SPDYE4: variants seen among roughly 807,000 people sequenced by gnomAD.
SPDYE4 encodes the protein speedy/RINGO cell cycle regulator family member E4, also known as speedy protein E4.
Under a neutral mutation model 37.5 loss-of-function variants are expected in SPDYE4, and 30 were observed. The observed-to-expected ratio is 0.80, with a 90% CI of 0.60 to 1.09. The LOEUF is 1.09. Ranked by LOEUF, SPDYE4 falls within the 50% of genes least tolerant of loss-of-function variation. The probability of loss-of-function intolerance (pLI) is 0.00; values close to 1 mark genes in which losing one functional copy is unlikely to be tolerated. For missense variants in SPDYE4, 300 were observed against 307.9 expected (o/e 0.97, Z 0.19); for synonymous variants, 131 against 120.3 (o/e 1.09, Z -0.58).
At chr17:8,750,297 G>C (rs2086719004), downstream of SPDYE4, among the ~76,000 whole-genome samples, 2 of 152,178 alleles carry the variant, frequency 1.3e-5, no homozygotes, top group African/African-American at 4.8e-5. Flanking sequence ...GCTGAGACAA[G>C]AGAATTGCTT....
rs747003055 is a variant in SPDYE4, at chr17:8,758,341, G to T, written c.42C>A (p.Ser14Arg). 1.1e-5 allele frequency: 17 copies of T among 1,551,312 alleles called. No individual in the cohort carries two copies. The Middle Eastern group carries it at 5.0e-4, about 46-fold the overall frequency. ...ACCGTACCGTTGTGCTAGGCTGGGGGCTCTCCTCCTCAAACGGGGGGCGCG... is the reference window on the plus strand; with the variant it reads ...ACCGTACCGTTGTGCTAGGCTGGGGTCTCTCCTCCTCAAACGGGGGGCGCG... ...GQARPPFEEESPQPSTTVRSP... is the reference protein window; with the variant it reads ...GQARPPFEEERPQPSTTVRSP... Residue 14 changes from serine to arginine, a missense_variant, in exon 1 of 7, where the codon AGC (serine) becomes AGA (arginine). By Grantham distance (110) the Ser-to-Arg change is moderately radical. Coordinates refer to ENST00000689094, the MANE Select transcript of SPDYE4 (RefSeq NM_001394956.1).
chr17:8,756,437 C>T lies in SPDYE4; in HGVS notation c.341-1G>A. 6.2e-7 allele frequency: 1 copy of T among 1,613,988 alleles called. No individual in the cohort carries two copies. The highest frequency in any genetic ancestry group is 8.5e-7 in the Non-Finnish European group (1 of 1,179,896). The stretch of plus-strand genomic sequence containing the variant: ...AGGAATTTTTGAACGACAGGATCCC[C>T]TGTGAAAAGAGAGCCTGTGTCAGGG... On this transcript the variant is annotated splice_acceptor_variant, in intron 2 of 6. Coordinates refer to ENST00000689094, the MANE Select transcript of SPDYE4 (RefSeq NM_001394956.1). LOFTEE classifies it high-confidence loss of function.
In SPDYE4 at chr17:8,753,521, G is replaced by T. The variant is rs757161745; in HGVS notation, c.486-32C>A. 14 of 1,609,698 alleles carry T rather than the reference G, an allele frequency of 8.7e-6. No homozygotes were observed. In the African/African-American group the frequency reaches 1.2e-4, roughly 14 times the overall value. On this transcript the variant is annotated intron_variant, in intron 4 of 6. Coordinates refer to ENST00000689094, the MANE Select transcript of SPDYE4 (RefSeq NM_001394956.1). ...AGAGAGATCAGGTTGCTGCTCAGGG[G>T]CCCCACCAGGAGGGACCCCTGCCTG... is the stretch of plus-strand genomic sequence containing the variant.
downstream of SPDYE4, among the ~76,000 whole-genome samples, chr17:8,748,423 G>A (rs1476991922): frequency 6.6e-6 from 1 of 152,220 alleles, no homozygotes; most frequent in African/African-American, 2.4e-5. Flanking sequence ...CTAGAACTAT[G>A]AGAAAGAAAT....
At chr17:8,756,634 C>T (rs1055985130) in intron 2 of SPDYE4, among the ~76,000 whole-genome samples, 198 bp from the exon 3 acceptor site, 7 of 152,094 alleles carry the variant, frequency 4.6e-5, no homozygotes, top group Non-Finnish European at 5.9e-5. Flanking sequence ...GAGGAGAGGC[C>T]GAAGGAGGCC....
At chr17:8,749,173 G>T (rs576470207), downstream of SPDYE4, among the ~76,000 whole-genome samples, 53 of 150,474 alleles carry the variant, frequency 3.5e-4, no homozygotes, top group Non-Finnish European at 6.5e-4. Flanking sequence ...GGCTCATGCA[G>T]CCTCGACCTC....
At position 8,751,193 on chromosome 17, in the gene SPDYE4, T is replaced by C. The variant is rs2086725979; in HGVS notation, c.*1089A>G. Among the ~76,000 whole-genome samples the C allele has an allele frequency of 6.6e-6, 1 of 152,176 alleles. No individual in the cohort carries two copies. The highest frequency in any genetic ancestry group is 1.5e-5 in the Non-Finnish European group (1 of 68,016). ...TAAAAAGATTTAAAAATAAAACATTTAGGATAAAAAGAATCCTCTCTTAAA... is the reference window on the plus strand; with the variant it reads ...TAAAAAGATTTAAAAATAAAACATTCAGGATAAAAAGAATCCTCTCTTAAA... On this transcript the variant is annotated 3_prime_UTR_variant, in exon 7 of 7. Transcript: ENST00000689094.
intron 4 of SPDYE4, among the ~76,000 whole-genome samples, chr17:8,754,850 G>A (rs1044906378): frequency 1.6e-4 from 24 of 152,208 alleles, no homozygotes; most frequent in African/African-American, 4.6e-4. Flanking sequence ...AAATCAAAAT[G>A]GAGTGGAGGG....
At chr17:8,755,346 G>A in intron 4 of SPDYE4, 174 bp downstream of exon 4, 2 of 829,052 alleles carry the variant, frequency 2.4e-6, no homozygotes. Flanking sequence ...AACTGCATTT[G>A]TGTTTGTTTT....
rs113162768 is a variant in SPDYE4 at position 8,755,655 on chromosome 17, A to T, written c.400-50T>A. On this transcript the variant is annotated intron_variant, in intron 3 of 6. Transcript: ENST00000689094. ...GAGAGAAAGGTTGGTCACATCCTGG[A>T]AGAGGAAGATGGTGGAGAGAAGGGA... is the stretch of plus-strand genomic sequence containing the variant. 306 of 1,587,856 alleles carry T rather than the reference A, an allele frequency of 1.9e-4. 1 individual carries two copies. In the African/African-American group the frequency reaches 3.5e-3, roughly 18 times the overall value.
chr17:8,749,085 A>G (rs932476231), downstream of SPDYE4, among the ~76,000 whole-genome samples: 17 of 135,272 alleles, frequency 1.3e-4, no homozygotes, highest in African/African-American at 4.5e-4. Context: ...GCAGTCCCCA[A>G]GAATGTTTTG....
intron 3 of SPDYE4, 92 bp from the exon 4 acceptor site, chr17:8,755,697 G>A (rs764795418): frequency 2.7e-5 from 39 of 1,464,088 alleles, no homozygotes; most frequent in South Asian, 4.7e-5. Flanking sequence ...GCTGGGGCGC[G>A]GTTGTCTATC....
chr17:8,753,256 C>T (rs1331113068), intron 5 of SPDYE4, 59 bp from the exon 6 acceptor site: 4 of 1,610,262 alleles, frequency 2.5e-6, no homozygotes, highest in East Asian at 4.5e-5. Flanking sequence ...CCCTCTCTGC[C>T]CTCCTCCAGC....
At chr17:8,754,981 A>G (rs549926419) in intron 4 of SPDYE4, among the ~76,000 whole-genome samples, 1 of 152,308 alleles carries the variant, frequency 6.6e-6, no homozygotes, top group Admixed American at 6.5e-5. Context: ...GTTTAGAGAC[A>G]AATCAGCTAA....
chr17:8,749,043 C>T (rs943958236), downstream of SPDYE4, among the ~76,000 whole-genome samples: 1 of 152,012 alleles, frequency 6.6e-6, no homozygotes, highest in African/African-American at 2.4e-5. Context: ...TACCCTGTGA[C>T]TACATCATTG....
chr17:8,758,132 C>T (rs1053442553), intron 1 of SPDYE4, 142 bp downstream of exon 1: 12 of 702,954 alleles, frequency 1.7e-5, no homozygotes, highest in South Asian at 3.8e-5. Context: ...TCCCTGCACC[C>T]TCCTTCCCCG....
Position 8,755,564 on chromosome 17 carries a change from G to A in SPDYE4, c.441C>T (p.Gly147=), listed in dbSNP as rs1370884814. 2 of 1,612,482 alleles carry A rather than the reference G, an allele frequency of 1.2e-6. No individual in the cohort carries two copies. The highest frequency in any genetic ancestry group is 1.3e-5 in the African/African-American group (1 of 74,996). The change falls in exon 4 of 7, where the codon GGC becomes GGT. Residue 147 remains glycine (G), a synonymous_variant. Coordinates refer to ENST00000689094, the MANE Select transcript of SPDYE4 (RefSeq NM_001394956.1). ...TGCGTTGGTATTGCCACGAGAAGAG[G>A]CCGGCACGGCTAAAATACGCTATGA... is the stretch of plus-strand genomic sequence containing the variant. ...AMVIAYFSRA[G]LFSWQYQRIH... is the part of the protein sequence containing the mutation.
Position 8,757,368 on chromosome 17 carries a change from C to A in SPDYE4, c.234G>T (p.Glu78Asp). ...ACAGCGTCTCCACCACCCAGGTGTCCTCGGGCTCAGGGGCGCGCTCCAACT... is the reference window on the plus strand; with the variant it reads ...ACAGCGTCTCCACCACCCAGGTGTCATCGGGCTCAGGGGCGCGCTCCAACT... Reference protein sequence around the residue: ...ELELERAPEPEDTWVVETLCG... With the variant: ...ELELERAPEPDDTWVVETLCG... The change falls in exon 2 of 7, where the codon GAG becomes GAT. Residue 78 changes from glutamate (E) to aspartate (D), a missense_variant. By Grantham distance (45) the Glu-to-Asp change is conservative. Coordinates refer to ENST00000689094, the MANE Select transcript of SPDYE4 (RefSeq NM_001394956.1). 6.3e-7 allele frequency: 1 copy of A among 1,597,556 alleles called. No individual in the cohort carries two copies.
downstream of SPDYE4, among the ~76,000 whole-genome samples, chr17:8,749,284 T>G (rs1259419835): frequency 6.7e-6 from 1 of 148,334 alleles, no homozygotes; most frequent in African/African-American, 2.5e-5. Context: ...TTTTTTGAGA[T>G]GGAGTCTCGC....
Sources: allele counts gnomAD v4.1 joint callset (sites outside exome capture counted in the v4.1 genomes callset), GRCh38; gene constraint gnomAD v4.1.1; transcripts MANE v1.5; gene names NCBI Gene and HGNC (gene_info 2026-07-23, HGNC 2026-07-21).